Variants in CADPS observed in about 807,000 individuals in gnomAD.
CADPS encodes calcium-dependent secretion activator 1.
In CADPS, 57 loss-of-function variants were observed where a neutral mutation model predicts 167.3. The ratio of observed to expected loss-of-function variants is 0.34; its 90% confidence interval spans 0.28 to 0.42. The LOEUF (loss-of-function observed/expected upper bound fraction) is 0.42. Among genes scored for constraint, CADPS ranks in the 20% least tolerant of loss-of-function variants. The pLI, the probability that CADPS is intolerant of heterozygous loss-of-function variation, is 1.00. For missense variants in CADPS, 1,414 were observed against 1,738.1 expected (o/e 0.81, Z 3.32); for synonymous variants, 676 against 635.3 (o/e 1.06, Z -0.96).
At chr3:62,571,816 G>C (rs2081344118) in intron 8 of CADPS, among the ~76,000 whole-genome samples, 1 of 152,114 alleles carries the variant, frequency 6.6e-6, no homozygotes, top group Non-Finnish European at 1.5e-5. Context: ...CACCCGCCTT[G>C]GCCTCCCAAA....
At chr3:62,528,029 G>C (rs1395722017) in intron 13 of CADPS, among the ~76,000 whole-genome samples, 28 of 152,256 alleles carry the variant, frequency 1.8e-4, no homozygotes, top group Non-Finnish European at 7.4e-5. Context: ...GATAAATTCT[G>C]GTTTTCCCCA....
intron 8 of CADPS, among the ~76,000 whole-genome samples, chr3:62,583,037 T>C (rs137992810): frequency 3.9e-5 from 6 of 152,312 alleles, no homozygotes; most frequent in African/African-American, 1.4e-4. Flanking sequence ...AACTCGAATG[T>C]AGGTTGAGGC....
intron 6 of CADPS, among the ~76,000 whole-genome samples, chr3:62,634,918 A>T (rs1330586889): frequency 2.0e-5 from 3 of 152,188 alleles, no homozygotes; most frequent in African/African-American, 7.2e-5. Context: ...GGCTGACCAA[A>T]TGAACCTAGG....
intron 3 of CADPS, among the ~76,000 whole-genome samples, chr3:62,714,425 G>A (rs539011277): frequency 6.6e-6 from 1 of 152,258 alleles, no homozygotes; most frequent in African/African-American, 2.4e-5. Context: ...TGGAACTGCT[G>A]TTTAGCTTTG....
Position 62,455,080 on chromosome 3 carries a change from A to G in CADPS, c.3637-9283T>C, listed in dbSNP as rs1313268328. On this transcript the variant is annotated intron_variant, in intron 26 of 29. Transcript: ENST00000383710. This position sits in a 1 kb window ranked among gnomAD's most constrained non-coding sequence, Gnocchi z 4.4. ...GTTCTCATCTCCTGTTGTTCAGGGT[A>G]CTGTGCTCCGAGACTAGATCCAGGA... Among the ~76,000 whole-genome samples the G allele has an allele frequency of 6.6e-6, 1 of 151,430 alleles. No individual in the cohort carries two copies. Among genetic ancestry groups the G allele is most frequent in the Non-Finnish European group, 1.5e-5 (1 of 67,822 alleles).
At chr3:62,468,791 C>T (rs1326792979) in intron 24 of CADPS, among the ~76,000 whole-genome samples, 4 of 152,130 alleles carry the variant, frequency 2.6e-5, no homozygotes, top group Non-Finnish European at 4.4e-5. Flanking sequence ...GCTTATAAAA[C>T]AAAGTATTTT....
At chr3:62,671,255 A>G (rs2075458047) in intron 3 of CADPS, among the ~76,000 whole-genome samples, 1 of 152,092 alleles carries the variant, frequency 6.6e-6, no homozygotes, top group African/African-American at 2.4e-5. Context: ...TATGTTTTTT[A>G]TCCAGCATAG....
chr3:62,867,732 C>A (rs756387516), intron 1 of CADPS, among the ~76,000 whole-genome samples: 9 of 152,072 alleles, frequency 5.9e-5, no homozygotes, highest in Non-Finnish European at 1.2e-4. Context: ...GATAAAAACA[C>A]TGCACATATC....
intron 3 of CADPS, among the ~76,000 whole-genome samples, chr3:62,749,735 A>G (rs896305715): frequency 6.6e-6 from 1 of 152,150 alleles, no homozygotes; most frequent in African/African-American, 2.4e-5. Flanking sequence ...GCCAGCAAGG[A>G]AAGAGGAGGG....
intron 3 of CADPS, among the ~76,000 whole-genome samples, chr3:62,721,101 G>A (rs2918040): frequency 0.29 from 41,512 of 144,738 alleles, 6,212 homozygotes; most frequent in African/African-American, 0.36. Context: ...ACAGGTGTGA[G>A]CCACCGTGCC....
chr3:62,684,364 A>G (rs1446779687), intron 3 of CADPS, among the ~76,000 whole-genome samples: 1 of 151,812 alleles, frequency 6.6e-6, no homozygotes, highest in African/African-American at 2.4e-5. Flanking sequence ...GCACTTTTCA[A>G]CTTTTTGGCT....
intron 1 of CADPS, among the ~76,000 whole-genome samples, chr3:62,844,523 C>T (rs1218848700): frequency 6.6e-6 from 1 of 152,174 alleles, no homozygotes; most frequent in African/African-American, 2.4e-5. Flanking sequence ...CTCCCCAACC[C>T]TCATGAATGC....
At position 62,562,566 on chromosome 3, in the gene CADPS, C is replaced by T. The variant is rs995152222; in HGVS notation, c.1645-5053G>A. 1.1e-4 allele frequency among the ~76,000 whole-genome samples: 16 copies of T among 152,262 alleles called. No homozygotes were observed. The South Asian group carries it at 3.1e-3, about 30-fold the overall frequency. On this transcript the variant is annotated intron_variant, in intron 9 of 29. Transcript: ENST00000383710. ...CCCAGGCTAGTCTCAGACTCCTAGC[C>T]TCAGGTGATCGTCCCAGCTCAGTCT...
chr3:62,765,331 A>T (rs2086567474), intron 2 of CADPS, among the ~76,000 whole-genome samples: 1 of 152,176 alleles, frequency 6.6e-6, no homozygotes, highest in African/African-American at 2.4e-5. Flanking sequence ...TCTCTTTTGT[A>T]GATTTTCTCT....
chr3:62,575,491 A>G (rs1180671317), intron 8 of CADPS, among the ~76,000 whole-genome samples: 1 of 152,246 alleles, frequency 6.6e-6, no homozygotes, highest in Non-Finnish European at 1.5e-5. Context: ...TGTGAGGATT[A>G]AAGTAGAAAT....
intron 9 of CADPS, among the ~76,000 whole-genome samples, chr3:62,560,571 G>A (rs951945967): frequency 6.6e-6 from 1 of 152,146 alleles, no homozygotes; most frequent in African/African-American, 2.4e-5. Context: ...TTGCAGAGAA[G>A]GGCTTAAAGA....
At chr3:62,555,339 G>A (rs919171421) in intron 10 of CADPS, among the ~76,000 whole-genome samples, 17 of 152,190 alleles carry the variant, frequency 1.1e-4, no homozygotes, top group Non-Finnish European at 2.1e-4. Flanking sequence ...CATGTAGATA[G>A]AATAGCTCTC....
intron 13 of CADPS, among the ~76,000 whole-genome samples, chr3:62,526,178 C>T (rs910868885): frequency 5.9e-5 from 9 of 152,246 alleles, no homozygotes; most frequent in Admixed American, 5.2e-4. Flanking sequence ...TCTTAATCTA[C>T]AAGGGATCAC....
chr3:62,731,835 A>AAAAAAAAAAAAAAAAAGAAG (rs568495417), intron 3 of CADPS, among the ~76,000 whole-genome samples: 1 of 110,242 alleles, frequency 9.1e-6, no homozygotes, highest in Non-Finnish European at 1.8e-5. Context: ...AAAAAAGTAA[A>AAAAAAAAAAAAAAAAAGAAG]GAAGGAAGAA....
Sources: allele counts gnomAD v4.1 joint callset (sites outside exome capture counted in the v4.1 genomes callset), GRCh38; gene constraint gnomAD v4.1.1; non-coding constraint Gnocchi (gnomAD v3.1); transcripts MANE v1.5; gene names NCBI Gene and HGNC (gene_info 2026-07-23, HGNC 2026-07-21).